TENM4: variants seen among roughly 807,000 people sequenced by gnomAD.
TENM4 encodes the protein teneurin-4.
A neutral mutation model predicts 243.3 loss-of-function variants in TENM4; 82 were observed. The ratio of observed to expected loss-of-function variants is 0.34; its 90% CI spans 0.28 to 0.40. The LOEUF is 0.40. Ranked by LOEUF, TENM4 falls within the 10% of genes least tolerant of loss-of-function variation. TENM4 has a pLI of 1.00. For missense variants in TENM4, 3,138 were observed against 3,673.3 expected, an observed-to-expected ratio of 0.85 and a Z score of 3.77; for synonymous variants, 1,412 against 1,456.3, an observed-to-expected ratio of 0.97 and a Z score of 0.69.
At chr11:79,241,795 T>G (rs1441124237) in intron 2 of TENM4, among the ~76,000 whole-genome samples, 6 of 152,068 alleles carry the variant, frequency 3.9e-5, no homozygotes, top group Non-Finnish European at 8.8e-5. Flanking sequence ...CCACCAGCCT[T>G]AAGAATCCCC....
At chr11:79,342,550 A>C (rs1239778177) in intron 1 of TENM4, among the ~76,000 whole-genome samples, 1 of 152,090 alleles carries the variant, frequency 6.6e-6, no homozygotes, top group Non-Finnish European at 1.5e-5. Flanking sequence ...GGAGCTGAAC[A>C]TCCAAGGGGC....
intron 5 of TENM4, among the ~76,000 whole-genome samples, chr11:79,066,413 C>G (rs1860248709): frequency 6.6e-6 from 1 of 152,136 alleles, no homozygotes; most frequent in South Asian, 2.1e-4. Flanking sequence ...AGCAGAGACG[C>G]CATCTTATTA....
chr11:78,877,899 C>T (rs1042532970), intron 9 of TENM4, among the ~76,000 whole-genome samples: 8 of 152,176 alleles, frequency 5.3e-5, no homozygotes, highest in Non-Finnish European at 7.3e-5. Context: ...ACAGCAGCCT[C>T]TTATCTACAT....
chr11:79,141,039 A>T lies in TENM4; in HGVS notation c.-66+7671T>A, dbSNP rs942877378. Among the ~76,000 whole-genome samples the T allele has an allele frequency of 5.3e-5, 8 of 152,074 alleles. 1 individual carries two copies. The highest frequency in any genetic ancestry group is 4.6e-4 in the Admixed American group (7 of 15,240). On this transcript the variant is annotated intron_variant, in intron 4 of 33. Coordinates refer to ENST00000278550, the MANE Select transcript of TENM4 (RefSeq NM_001098816.3). ...TTAAGGTGCTAGACGGAGCCTATTAATGTGAATATACCATTCAAGGCAGTG... is the reference window on the plus strand; with the variant it reads ...TTAAGGTGCTAGACGGAGCCTATTATTGTGAATATACCATTCAAGGCAGTG...
At chr11:78,788,309 T>C (rs148872773) in intron 15 of TENM4, among the ~76,000 whole-genome samples, 30 of 152,364 alleles carry the variant, frequency 2.0e-4, no homozygotes, top group Admixed American at 3.3e-4. Flanking sequence ...CCATGTATGT[T>C]GTGTTCCTGT....
intron 12 of TENM4, among the ~76,000 whole-genome samples, chr11:78,845,711 C>T (rs1163675118): frequency 6.6e-6 from 1 of 152,020 alleles, no homozygotes; most frequent in East Asian, 1.9e-4. Flanking sequence ...TCAAAGCTGC[C>T]GTTCTGTCAG....
chr11:79,177,122 G>T (rs981344521), intron 3 of TENM4, among the ~76,000 whole-genome samples: 1 of 151,302 alleles, frequency 6.6e-6, no homozygotes, highest in African/African-American at 2.5e-5. Context: ...TGTTTTAAAC[G>T]AATTGTTTAA....
chr11:79,008,509 C>G (rs1402899841), intron 6 of TENM4, among the ~76,000 whole-genome samples: 1 of 152,168 alleles, frequency 6.6e-6, no homozygotes, highest in African/African-American at 2.4e-5. Flanking sequence ...TTTGACATAG[C>G]TATGATACAG....
chr11:78,849,583 T>G lies in TENM4; in HGVS notation c.1681+4521A>C, dbSNP rs575938033. Among the ~76,000 whole-genome samples, 11 of 152,264 alleles carry G rather than the reference T, an allele frequency of 7.2e-5. No individual in the cohort carries two copies. In the South Asian group the frequency reaches 2.3e-3, roughly 32 times the overall value. On this transcript the variant is annotated intron_variant, in intron 12 of 33. Coordinates refer to ENST00000278550, the MANE Select transcript of TENM4 (RefSeq NM_001098816.3). ...CACACAATAGGTGTTCTGTAAATAT[T>G]TGCTGAATGAATGAATGAATGAATA...
intron 4 of TENM4, among the ~76,000 whole-genome samples, chr11:79,087,941 C>G (rs557544220): frequency 2.0e-4 from 31 of 152,354 alleles, no homozygotes; most frequent in Admixed American, 2.0e-3. Context: ...GCCTCTCTAC[C>G]TTCCAGGAGG....
At chr11:79,060,192 C>T (rs1860050868) in intron 6 of TENM4, among the ~76,000 whole-genome samples, 2 of 152,252 alleles carry the variant, frequency 1.3e-5, no homozygotes, top group African/African-American at 4.8e-5. Flanking sequence ...TTCTCACTGC[C>T]TCCCGACCCC....
At chr11:79,378,672 T>C (rs1857939175) in intron 1 of TENM4, among the ~76,000 whole-genome samples, 1 of 152,014 alleles carries the variant, frequency 6.6e-6, no homozygotes, top group African/African-American at 2.4e-5. Flanking sequence ...ACAGGAAATA[T>C]GTCTTAACCT....
chr11:79,437,770 G>A (rs895210343), intron 1 of TENM4, among the ~76,000 whole-genome samples: 1 of 152,178 alleles, frequency 6.6e-6, no homozygotes, highest in Non-Finnish European at 1.5e-5. Flanking sequence ...GGTCCCCGCC[G>A]CGACCTGATT....
chr11:79,379,070 G>T (rs761958923), intron 1 of TENM4, among the ~76,000 whole-genome samples: 1 of 152,120 alleles, frequency 6.6e-6, no homozygotes, highest in Non-Finnish European at 1.5e-5. Flanking sequence ...ATGAGAGTGT[G>T]AGGAAATGCA....
intron 6 of TENM4, among the ~76,000 whole-genome samples, chr11:79,062,607 C>G (rs1272952426): frequency 6.6e-6 from 1 of 152,124 alleles, no homozygotes; most frequent in Non-Finnish European, 1.5e-5. Context: ...ATTATTTGAC[C>G]ACAGAACAGC....
intron 6 of TENM4, among the ~76,000 whole-genome samples, chr11:78,917,926 G>A (rs1485078031): frequency 6.6e-6 from 1 of 152,166 alleles, no homozygotes; most frequent in African/African-American, 2.4e-5. Flanking sequence ...GGGTTGCCAT[G>A]AGGATTCATG....
At position 78,655,399 on chromosome 11, in the gene TENM4, G is replaced by T. The variant is rs1857866691; in HGVS notation, c.*2659C>A. ...GATCCTTTAAAGAAACAAACACTCA[G>T]TCCAGGCGCAGTGGCTCACACCTGT... On this transcript the variant is annotated 3_prime_UTR_variant, in exon 34 of 34. Transcript: ENST00000278550. 1.3e-5 allele frequency: 2 copies of T among 152,024 alleles called. No individual in the cohort carries two copies. Among genetic ancestry groups the T allele is most frequent in the Non-Finnish European group, 2.9e-5 (2 of 68,050 alleles). The allele number at this position is 152,024 out of a possible 1,614,324, so 9.4% of individuals were successfully genotyped here.
intron 3 of TENM4, among the ~76,000 whole-genome samples, chr11:79,167,555 G>A (rs1862941496): frequency 6.6e-6 from 1 of 152,232 alleles, no homozygotes; most frequent in Non-Finnish European, 1.5e-5. Flanking sequence ...CTAGCCAGGA[G>A]CAGCAGAAAC....
chr11:78,710,709 T>G (rs895316739), intron 26 of TENM4, among the ~76,000 whole-genome samples: 1 of 152,202 alleles, frequency 6.6e-6, no homozygotes, highest in South Asian at 2.1e-4. Context: ...TTTCTCCTTT[T>G]GTTGTGTTAA....
Sources: gnomAD v4.1 joint callset for allele counts (sites outside exome capture counted in the v4.1 genomes callset) on GRCh38, gnomAD v4.1.1 for gene constraint, MANE v1.5 for transcripts, NCBI Gene and HGNC (gene_info 2026-07-23, HGNC 2026-07-21) for gene names.